LARS1: variants seen among roughly 807,000 people sequenced by gnomAD.
LARS1 encodes leucine--tRNA ligase, cytoplasmic.
LARS1 carries 100 observed loss-of-function variants against 162.8 expected under a neutral mutation model. That is an observed-to-expected ratio of 0.61 (90% CI 0.52 to 0.73). The LOEUF is 0.73. Among genes scored for constraint, LARS1 ranks in the 30% least tolerant of loss-of-function variants. LARS1 has a pLI of 0.00. For missense variants in LARS1, 1,258 were observed against 1,408.9 expected, an observed-to-expected ratio of 0.89 and a Z score of 1.71; for synonymous variants, 457 against 462.8, an observed-to-expected ratio of 0.99 and a Z score of 0.16.
chr5:146,172,031 C>T (rs1754306296), intron 3 of LARS1, 41 bp from the exon 4 acceptor site: 9 of 1,481,434 alleles, frequency 6.1e-6, no homozygotes, highest in Non-Finnish European at 7.5e-6. Flanking sequence ...AATTTAAATG[C>T]CAGACAAATA....
intron 4 of LARS1, 40 bp downstream of exon 4, chr5:146,171,870 A>C: frequency 6.8e-7 from 1 of 1,480,220 alleles, no homozygotes; most frequent in Non-Finnish European, 9.3e-7. Flanking sequence ...TATTTGCTCC[A>C]ACTAAAAAGA....
At chr5:146,174,886 C>T (rs1474632046) in intron 2 of LARS1, among the ~76,000 whole-genome samples, 8 of 151,500 alleles carry the variant, frequency 5.3e-5, no homozygotes, top group Non-Finnish European at 1.2e-4. Flanking sequence ...GAGTTCAAGA[C>T]TAGCCTGGGC....
chr5:146,178,253 C>T (rs1754685854), intron 1 of LARS1, among the ~76,000 whole-genome samples: 1 of 152,060 alleles, frequency 6.6e-6, no homozygotes, highest in Admixed American at 6.6e-5. Context: ...AATTAAAATA[C>T]ATGAATATCA....
Position 146,182,552 on chromosome 5 carries a change from G to A in LARS1, c.-59C>T. 1 of 1,613,124 alleles carries A rather than the reference G, an allele frequency of 6.2e-7. No individual in the cohort carries two copies. Among genetic ancestry groups the A allele is most frequent in the Non-Finnish European group, 8.5e-7 (1 of 1,179,224 alleles). On this transcript the variant is annotated 5_prime_UTR_variant, in exon 1 of 32. Transcript: ENST00000394434. Reference sequence around the variant, plus strand: ...AATGACCCTGGCGACCTCCACAAAGGAGTGGTTACCTTTCCCCTCCCTCTC... The same window carrying A: ...AATGACCCTGGCGACCTCCACAAAGAAGTGGTTACCTTTCCCCTCCCTCTC...
intron 21 of LARS1, chr5:146,138,794 G>GAAT (rs71274376): frequency 0.19 from 36,897 of 189,302 alleles, 4,881 homozygotes; most frequent in Admixed American, 0.31. Context: ...AGATGAAACA[G>GAAT]AATTCTATTT....
At chr5:146,143,586 A>C (rs1561811949) in intron 18 of LARS1, 36 bp from the exon 19 acceptor site, 1 of 1,604,998 alleles carries the variant, frequency 6.2e-7, no homozygotes. Context: ...GGAACCTGAG[A>C]GACATTTCAT....
intron 15 of LARS1, among the ~76,000 whole-genome samples, chr5:146,146,692 C>T (rs1163918932): frequency 6.7e-6 from 1 of 148,522 alleles, no homozygotes; most frequent in Non-Finnish European, 1.5e-5. Flanking sequence ...CTTCTCCCAT[C>T]CAACTTCCAA....
intron 27 of LARS1, among the ~76,000 whole-genome samples, chr5:146,127,553 T>C (rs1342471959): frequency 6.6e-6 from 1 of 152,078 alleles, no homozygotes; most frequent in African/African-American, 2.4e-5. Context: ...GATGCATTTT[T>C]TAATACCTAA....
intron 10 of LARS1, among the ~76,000 whole-genome samples, chr5:146,154,503 C>T (rs897334852): frequency 3.9e-5 from 6 of 152,178 alleles, no homozygotes; most frequent in African/African-American, 1.2e-4. Context: ...ACAGGCTGAG[C>T]GCGGTGGCTA....
chr5:146,126,633 G>A (rs1180294704), intron 27 of LARS1, 88 bp from the exon 28 acceptor site: 2 of 809,686 alleles, frequency 2.5e-6, no homozygotes, highest in East Asian at 5.2e-5. Context: ...ATAGAATGGT[G>A]GCCTCTATCA....
intron 15 of LARS1, among the ~76,000 whole-genome samples, chr5:146,146,361 GAAGA>G (rs1220418436): frequency 2.2e-4 from 30 of 134,128 alleles, no homozygotes; most frequent in African/African-American, 7.1e-4. Context: ...AAAAGAAAGA[GAAGA>G]GAGAGAGAGA....
Position 146,113,294 on chromosome 5 carries a change from A to C in LARS1, c.*812T>G, listed in dbSNP as rs1444343509. ...TGGTCAGGCTGGTCTCAAACTCCTG[A>C]CCTCAGGTGACTGCCCACCTTGGCC... On this transcript the variant is annotated 3_prime_UTR_variant, in exon 32 of 32. Coordinates refer to ENST00000394434, the MANE Select transcript of LARS1 (RefSeq NM_020117.11). 6.6e-6 allele frequency: 1 copy of C among 152,150 alleles called. No individual in the cohort carries two copies. Among genetic ancestry groups the C allele is most frequent in the Admixed American group, 6.6e-5 (1 of 15,256 alleles). 9.4% of individuals were successfully genotyped at this position (152,150 alleles called of 1,614,324 possible). A position where few individuals can be genotyped will look rare whatever the true frequency, so the allele number is the denominator to read the frequency against.
rs66479730 is a variant in LARS1, at chr5:146,174,144, TAAAAAA to T, written c.126-1376_126-1371del. Among the ~76,000 whole-genome samples the T allele has an allele frequency of 1.9e-4, 17 of 89,140 alleles. No homozygotes were observed. In the South Asian group the frequency reaches 5.1e-3, roughly 27 times the overall value. 58.5% of individuals were successfully genotyped at this position (89,140 alleles called of 152,430 possible). A position where few individuals can be genotyped will look rare whatever the true frequency, so the allele number is the denominator to read the frequency against. On this transcript the variant is annotated intron_variant, in intron 2 of 31. Transcript: ENST00000394434. ...ATATTACAGCAATTTCTTTTTCTCT[TAAAAAA>T]AAAAAAAAAAAAAAAAGGCTGGGGC...
At chr5:146,129,766 TTA>T (rs889328314) in intron 25 of LARS1, among the ~76,000 whole-genome samples, 3 of 152,198 alleles carry the variant, frequency 2.0e-5, no homozygotes, top group African/African-American at 7.2e-5. Context: ...TAACAATTGT[TTA>T]TATCTTTCTC....
At chr5:146,121,741 C>T (rs1238191891) in intron 30 of LARS1, among the ~76,000 whole-genome samples, 1 of 152,154 alleles carries the variant, frequency 6.6e-6, no homozygotes, top group Non-Finnish European at 1.5e-5. Flanking sequence ...AAACCAAACA[C>T]TGCATGTTCT....
intron 6 of LARS1, among the ~76,000 whole-genome samples, chr5:146,163,799 A>C (rs1753883949): frequency 6.6e-6 from 1 of 152,206 alleles, no homozygotes; most frequent in Admixed American, 6.6e-5. Context: ...CTTCCTCACT[A>C]AGCTTAATCA....
chr5:146,167,983 C>A, intron 5 of LARS1, 145 bp downstream of exon 5: 1 of 665,432 alleles, frequency 1.5e-6, no homozygotes, highest in Non-Finnish European at 2.3e-6. Context: ...CGCGCCTGGC[C>A]AGAAAGATAA....
At position 146,142,894 on chromosome 5, in the gene LARS1, CAT is replaced by C. The variant is rs1752848812; in HGVS notation, c.2066_2067del (p.His689ArgfsTer9). 2 of 1,613,650 alleles carry C rather than the reference CAT, an allele frequency of 1.2e-6. No individual in the cohort carries two copies. The highest frequency in any genetic ancestry group is 1.7e-5 in the Admixed American group (1 of 59,978). ...PNHLSYYLYN[H>X]VAMWPEQSDK... is the part of the protein sequence containing the mutation. ...CACCTTTGTTCCGGCCACATAGCCA[CAT>C]GATTATAAAGGTAATATGAAAGATG... On this transcript the variant is annotated frameshift_variant, in exon 20 of 32. Coordinates refer to ENST00000394434, the MANE Select transcript of LARS1 (RefSeq NM_020117.11). LOFTEE classifies it high-confidence loss of function.
At chr5:146,179,698 C>G (rs1289088448) in intron 1 of LARS1, 4 of 439,170 alleles carry the variant, frequency 9.1e-6, no homozygotes, top group Non-Finnish European at 1.8e-5. Context: ...CTACTGGGCT[C>G]AATCAATCTT....
Sources: gnomAD v4.1 joint callset for allele counts (sites outside exome capture counted in the v4.1 genomes callset) on GRCh38, gnomAD v4.1.1 for gene constraint, MANE v1.5 for transcripts, NCBI Gene and HGNC (gene_info 2026-07-23, HGNC 2026-07-21) for gene names.